The following SASH1 variants were observed in gnomAD, a reference collection of about 807,000 sequenced individuals.
SASH1 encodes the protein SAM and SH3 domain-containing protein 1.
In SASH1, 44 loss-of-function variants were observed where a neutral mutation model predicts 125.2. The ratio of observed to expected loss-of-function variants is 0.35; its 90% confidence interval spans 0.28 to 0.45. The LOEUF (loss-of-function observed/expected upper bound fraction) is 0.45, where lower values mean the gene tolerates loss of function less well. Among genes scored for constraint, SASH1 ranks in the 20% least tolerant of loss-of-function variants. SASH1 has a pLI of 1.00. For synonymous variants in SASH1, 639 were observed against 649.1 expected, an observed-to-expected ratio of 0.98 and a Z score of 0.24; for missense variants, 1,426 against 1,614.5, an observed-to-expected ratio of 0.88 and a Z score of 2.00.
chr6:148,269,777 C>T (rs1417138787), upstream of SASH1, among the ~76,000 whole-genome samples: 1 of 152,092 alleles, frequency 6.6e-6, no homozygotes, highest in Admixed American at 6.6e-5. Flanking sequence ...CAATTCAACC[C>T]TCAACAGTAG....
the SASH1 span, among the ~76,000 whole-genome samples, chr6:148,261,306 C>T: frequency 3.3e-5 from 5 of 152,108 alleles, no homozygotes; most frequent in Non-Finnish European, 7.4e-5. Flanking sequence ...CTTCCTGAGT[C>T]GGAATTGTGT....
chr6:148,421,664 T>G (rs993816322), intron 2 of SASH1, among the ~76,000 whole-genome samples: 13 of 152,350 alleles, frequency 8.5e-5, no homozygotes, highest in Admixed American at 4.6e-4. Context: ...GAAAGACTCT[T>G]GAAACACTGT....
intron 8 of SASH1, among the ~76,000 whole-genome samples, chr6:148,493,111 T>C (rs1779177755): frequency 6.6e-6 from 1 of 152,310 alleles, no homozygotes; most frequent in Middle Eastern, 3.4e-3. Context: ...TAGTCAGCAA[T>C]GCAGTTTTTT....
At chr6:148,238,996 G>A in the SASH1 span, among the ~76,000 whole-genome samples, 1 of 152,256 alleles carries the variant, frequency 6.6e-6, no homozygotes, top group Non-Finnish European at 1.5e-5. Context: ...CAAAAACTGT[G>A]AATCTGCAAA....
chr6:148,348,116 C>T (rs1414066383), intron 1 of SASH1, among the ~76,000 whole-genome samples: 1 of 152,172 alleles, frequency 6.6e-6, no homozygotes, highest in Admixed American at 6.5e-5. Context: ...AAGCGATTCT[C>T]CTGCCTCAGC....
chr6:148,423,614 C>G (rs974140299), intron 2 of SASH1, among the ~76,000 whole-genome samples: 2 of 152,170 alleles, frequency 1.3e-5, no homozygotes, highest in Non-Finnish European at 2.9e-5. Flanking sequence ...CTAATCAGTT[C>G]CGACGTTATT....
chr6:148,328,469 T>A (rs1336674997), intron 1 of SASH1, among the ~76,000 whole-genome samples: 1 of 152,008 alleles, frequency 6.6e-6, no homozygotes, highest in Non-Finnish European at 1.5e-5. Flanking sequence ...GGTGGGCACC[T>A]GTAATCCCAG....
chr6:148,543,025 A>G (rs974155927), intron 17 of SASH1, among the ~76,000 whole-genome samples: 1 of 152,226 alleles, frequency 6.6e-6, no homozygotes, highest in Non-Finnish European at 1.5e-5. Context: ...TGTCTGGTTG[A>G]TAGTTCAGTT....
chr6:148,255,617 G>A, the SASH1 span, among the ~76,000 whole-genome samples: 1 of 152,072 alleles, frequency 6.6e-6, no homozygotes, highest in Non-Finnish European at 1.5e-5. Flanking sequence ...AGGCTTGAAA[G>A]AATCACTGAG....
chr6:148,498,244 A>C (rs975720772), intron 8 of SASH1, among the ~76,000 whole-genome samples: 12 of 151,684 alleles, frequency 7.9e-5, no homozygotes, highest in Non-Finnish European at 1.3e-4. Flanking sequence ...CAAAAAAAAA[A>C]AAACAAAAAA....
chr6:148,363,543 G>C (rs1033765424), intron 1 of SASH1, among the ~76,000 whole-genome samples: 5 of 152,066 alleles, frequency 3.3e-5, no homozygotes, highest in African/African-American at 1.2e-4. Context: ...TGGGATTACA[G>C]GCGCCCGCCA....
At chr6:148,364,693 T>A (rs1378964741) in intron 1 of SASH1, among the ~76,000 whole-genome samples, 1 of 152,078 alleles carries the variant, frequency 6.6e-6, no homozygotes, top group African/African-American at 2.4e-5. Context: ...CCACGGGAAA[T>A]GGGAAGAACA....
At chr6:148,512,024 TA>T (rs1780168658) in intron 8 of SASH1, among the ~76,000 whole-genome samples, 1 of 151,920 alleles carries the variant, frequency 6.6e-6, no homozygotes, top group Non-Finnish European at 1.5e-5. Flanking sequence ...TTTATTTATT[TA>T]TTTATTTTTT....
chr6:148,228,051 G>A, the SASH1 span, among the ~76,000 whole-genome samples: 1 of 152,144 alleles, frequency 6.6e-6, no homozygotes, highest in Non-Finnish European at 1.5e-5. Context: ...AGCTAGTACA[G>A]ACTGGTTTGA....
intron 1 of SASH1, among the ~76,000 whole-genome samples, chr6:148,362,202 C>G (rs1461581317): frequency 2.0e-5 from 3 of 150,334 alleles, no homozygotes; most frequent in Non-Finnish European, 3.0e-5. Context: ...GCTGGGATTA[C>G]AGGCGTGAGC....
the SASH1 span, among the ~76,000 whole-genome samples, chr6:148,252,375 AT>A: frequency 6.6e-6 from 1 of 152,114 alleles, no homozygotes. Context: ...TTAGGATGTG[AT>A]TATATTACTT....
Position 148,449,859 on chromosome 6 carries a change from G to A in SASH1, c.386+9452G>A, listed in dbSNP as rs1279159513. ...TGTGAAGAGCCAGGACCAAACAAGA[G>A]AGTAACCTCACTTTATAACAGCCCA... is the stretch of plus-strand genomic sequence containing the variant. On this transcript the variant is annotated intron_variant, in intron 4 of 19. Coordinates refer to ENST00000367467, the MANE Select transcript of SASH1 (RefSeq NM_015278.5). Among the ~76,000 whole-genome samples the A allele has an allele frequency of 2.6e-5, 4 of 152,100 alleles. No individual in the cohort carries two copies. In the East Asian group the frequency reaches 7.7e-4, roughly 29 times the overall value.
At chr6:148,521,874 T>G (rs1374170135) in intron 10 of SASH1, among the ~76,000 whole-genome samples, 1 of 152,258 alleles carries the variant, frequency 6.6e-6, no homozygotes, top group Non-Finnish European at 1.5e-5. Flanking sequence ...CTCACCTCTG[T>G]GAGTTTACAT....
chr6:148,449,078 C>CTTTTTTTTTTCTTTTTTTTTCTTTTTTTT (rs1776957824), intron 4 of SASH1, among the ~76,000 whole-genome samples: 1 of 88,736 alleles, frequency 1.1e-5, no homozygotes, highest in African/African-American at 4.3e-5. Context: ...CATTTCATTT[C>CTTTTTTTTTTCTTTTTTTTTCTTTTTTTT]TTTTTTTTTT....
Sources: gnomAD v4.1 joint callset for allele counts (sites outside exome capture counted in the v4.1 genomes callset) on GRCh38, gnomAD v4.1.1 for gene constraint, MANE v1.5 for transcripts, NCBI Gene and HGNC (gene_info 2026-07-23, HGNC 2026-07-21) for gene names.